Variants in NEGR1 observed in about 807,000 individuals in gnomAD.
NEGR1 encodes the protein neuronal growth regulator 1, also known as IgLON family member 4.
Under a neutral mutation model 40.9 loss-of-function variants are expected in NEGR1, and 10 were observed. The ratio of observed to expected loss-of-function variants is 0.24; its 90% confidence interval spans 0.15 to 0.42. NEGR1 has a LOEUF of 0.42. Ranked by LOEUF, NEGR1 falls within the 10% of genes least tolerant of loss-of-function variation. The pLI, the probability that NEGR1 is intolerant of heterozygous loss-of-function variation, is 1.00. For missense variants in NEGR1, 352 were observed against 438.9 expected (o/e 0.80, Z 1.77); for synonymous variants, 185 against 166.8 (o/e 1.11, Z -0.84).
intron 6 of NEGR1, among the ~76,000 whole-genome samples, chr1:71,506,591 A>G (rs372763839): frequency 6.6e-6 from 1 of 150,578 alleles, no homozygotes; most frequent in Admixed American, 6.6e-5. Flanking sequence ...ATAATAATAG[A>G]AAAAAAATCA....
intron 2 of NEGR1, among the ~76,000 whole-genome samples, chr1:71,796,943 T>C (rs1160562744): frequency 6.6e-6 from 1 of 152,128 alleles, no homozygotes; most frequent in Non-Finnish European, 1.5e-5. Flanking sequence ...GGCTTAACGG[T>C]AGGGACTATG....
At chr1:71,840,527 T>C (rs1365351844) in intron 2 of NEGR1, among the ~76,000 whole-genome samples, 3 of 152,182 alleles carry the variant, frequency 2.0e-5, no homozygotes, top group African/African-American at 7.2e-5. Context: ...TCCATTGTTA[T>C]ACTACTGATA....
chr1:71,587,674 A>ACACG (rs1649353615), intron 6 of NEGR1, among the ~76,000 whole-genome samples: 1 of 4,680 alleles, frequency 2.1e-4, no homozygotes, highest in African/African-American at 2.4e-4. Flanking sequence ...GCACACACAC[A>ACACG]CACACACACA....
chr1:72,130,221 T>A (rs371829257), intron 1 of NEGR1, among the ~76,000 whole-genome samples: 57 of 152,182 alleles, frequency 3.7e-4, no homozygotes, highest in African/African-American at 1.1e-3. Context: ...GCGAGCTGCA[T>A]GTTTTTAACT....
chr1:71,788,715 G>A (rs1657000944), intron 2 of NEGR1, among the ~76,000 whole-genome samples: 1 of 151,722 alleles, frequency 6.6e-6, no homozygotes. Flanking sequence ...ACATCAGTAT[G>A]TGCCTTTGTT....
At chr1:71,504,139 C>T (rs999689052) in intron 6 of NEGR1, among the ~76,000 whole-genome samples, 2 of 151,138 alleles carry the variant, frequency 1.3e-5, no homozygotes, top group Non-Finnish European at 2.9e-5. Context: ...AATAAACCTC[C>T]AAATTAGATC....
rs193259960 is a variant in NEGR1 at position 72,216,404 on chromosome 1, T to C, written c.176+65915A>G. Among the ~76,000 whole-genome samples the C allele has an allele frequency of 5.3e-3, 691 of 131,156 alleles. 7 individuals are homozygous for C. The highest frequency in any genetic ancestry group is 0.021 in the African/African-American group (640 of 30,950). The allele number at this position is 131,156 out of a possible 152,430, so 86.0% of individuals were successfully genotyped here. On this transcript the variant is annotated intron_variant, in intron 1 of 6. Coordinates refer to ENST00000357731, the MANE Select transcript of NEGR1 (RefSeq NM_173808.3). ...ATATACATATATATATATATATACA[T>C]ATATATATATATGTATATCTATATA...
intron 6 of NEGR1, 40 bp from the exon 7 acceptor site, chr1:71,407,610 G>T (rs199805160): frequency 1.2e-6 from 2 of 1,603,010 alleles, no homozygotes; most frequent in Non-Finnish European, 1.7e-6. Context: ...AATCTAATTT[G>T]TGTCTTCCAG....
chr1:71,852,829 G>T (rs1436777015), intron 2 of NEGR1, among the ~76,000 whole-genome samples: 1 of 150,158 alleles, frequency 6.7e-6, no homozygotes, highest in African/African-American at 2.4e-5. Context: ...TATTCCAAAG[G>T]AATAATCAGA....
At chr1:71,627,949 C>A (rs1650840537) in intron 4 of NEGR1, among the ~76,000 whole-genome samples, 1 of 151,932 alleles carries the variant, frequency 6.6e-6, no homozygotes, top group African/African-American at 2.4e-5. Context: ...AAAATGACAG[C>A]AAGTGCTACA....
At chr1:71,924,061 A>T (rs1175525775) in intron 2 of NEGR1, among the ~76,000 whole-genome samples, 1 of 151,326 alleles carries the variant, frequency 6.6e-6, no homozygotes, top group Non-Finnish European at 1.5e-5. Flanking sequence ...GCAGCTATTT[A>T]AAAAAAAATT....
chr1:72,163,165 A>T lies in NEGR1; in HGVS notation c.176+119154T>A, dbSNP rs190604939. Reference sequence around the variant, plus strand: ...CAGTGCAGTTATTTAACAGTATTCTATCCTGCTGCCATCCCGAATTTAATT... The same window carrying T: ...CAGTGCAGTTATTTAACAGTATTCTTTCCTGCTGCCATCCCGAATTTAATT... On this transcript the variant is annotated intron_variant, in intron 1 of 6. Transcript: ENST00000357731. Among the ~76,000 whole-genome samples the T allele has an allele frequency of 2.3e-4, 35 of 152,262 alleles. No homozygotes were observed. The East Asian group carries it at 3.7e-3, about 16-fold the overall frequency.
intron 1 of NEGR1, among the ~76,000 whole-genome samples, chr1:72,069,921 T>A (rs1486824723): frequency 1.3e-5 from 2 of 152,124 alleles, no homozygotes; most frequent in African/African-American, 4.8e-5. Context: ...GTTTATAGAA[T>A]AATTTCAAGT....
chr1:72,205,660 T>C (rs982459129), intron 1 of NEGR1, among the ~76,000 whole-genome samples: 1 of 135,364 alleles, frequency 7.4e-6, no homozygotes, highest in Non-Finnish European at 1.5e-5. Context: ...CTCATGCCTA[T>C]AATCCTAGCA....
At chr1:71,849,368 T>A (rs78161541) in intron 2 of NEGR1, among the ~76,000 whole-genome samples, 2,923 of 152,226 alleles carry the variant, frequency 0.019, 48 homozygotes, top group Non-Finnish European at 0.026. Flanking sequence ...GTAAAAGTAC[T>A]GGAATTCGAA....
chr1:71,760,231 G>A lies in NEGR1; in HGVS notation c.535+15941C>T, dbSNP rs944754938. On this transcript the variant is annotated intron_variant, in intron 3 of 6. Transcript: ENST00000357731. Reference sequence around the variant, plus strand: ...TTTATGGGTAAGCACCTTCCTCGAAGTATTGTGGATTTATTTTTATAGTGA... The same window carrying A: ...TTTATGGGTAAGCACCTTCCTCGAAATATTGTGGATTTATTTTTATAGTGA... Among the ~76,000 whole-genome samples the A allele has an allele frequency of 2.2e-4, 33 of 152,076 alleles. 1 individual carries two copies. Among genetic ancestry groups the A allele is most frequent in the Admixed American group, 2.2e-3 (33 of 15,276 alleles).
chr1:71,451,929 G>C (rs74089358), intron 6 of NEGR1, among the ~76,000 whole-genome samples: 4,103 of 152,172 alleles, frequency 0.027, 194 homozygotes, highest in African/African-American at 0.093. Flanking sequence ...TTTAGGACAG[G>C]TCCATATGTT....
At chr1:72,160,150 C>A (rs896023197) in intron 1 of NEGR1, among the ~76,000 whole-genome samples, 1 of 152,090 alleles carries the variant, frequency 6.6e-6, no homozygotes, top group Non-Finnish European at 1.5e-5. Context: ...TACAGCAGAA[C>A]TGAGTGTGAA....
At chr1:72,130,921 G>A (rs1277427114) in intron 1 of NEGR1, among the ~76,000 whole-genome samples, 2 of 152,178 alleles carry the variant, frequency 1.3e-5, no homozygotes, top group Non-Finnish European at 2.9e-5. Flanking sequence ...TGGAGGGAAG[G>A]ATTAACGGAT....
Sources: gnomAD v4.1 joint callset for allele counts (sites outside exome capture counted in the v4.1 genomes callset) on GRCh38, gnomAD v4.1.1 for gene constraint, MANE v1.5 for transcripts, NCBI Gene and HGNC (gene_info 2026-07-23, HGNC 2026-07-21) for gene names.